BCL2L1: variants seen among roughly 807,000 people sequenced by gnomAD.
BCL2L1 encodes BCL2 like 1, also known as bcl-2-like protein 1.
In BCL2L1, 1 loss-of-function variant was observed where a neutral mutation model predicts 18.7. The ratio of observed to expected loss-of-function variants is 0.05; its 90% CI spans 0.02 to 0.25. The LOEUF (loss-of-function observed/expected upper bound fraction) is 0.25. Ranked by LOEUF, BCL2L1 falls within the 10% of genes least tolerant of loss-of-function variation. BCL2L1 has a pLI of 1.00. For missense variants in BCL2L1, 207 were observed against 304.9 expected (o/e 0.68, Z 2.39); for synonymous variants, 103 against 122.7 (o/e 0.84, Z 1.06).
intron 2 of BCL2L1, among the ~76,000 whole-genome samples, chr20:31,693,562 T>C (rs1174829615): frequency 6.6e-6 from 1 of 151,950 alleles, no homozygotes; most frequent in Non-Finnish European, 1.5e-5. Context: ...AGACAAGGTC[T>C]CCCTCTGTTG....
intron 2 of BCL2L1, among the ~76,000 whole-genome samples, chr20:31,704,688 G>T (rs2061343310): frequency 6.6e-6 from 1 of 152,126 alleles, no homozygotes; most frequent in Admixed American, 6.5e-5. Context: ...CACCTGTATT[G>T]TTTCTGCCTC....
At chr20:31,715,408 T>C (rs2061517917) in intron 2 of BCL2L1, among the ~76,000 whole-genome samples, 1 of 152,086 alleles carries the variant, frequency 6.6e-6, no homozygotes, top group African/African-American at 2.4e-5. Flanking sequence ...CCTTCTACCC[T>C]TTTCCCCTTT....
chr20:31,710,989 C>T (rs906197690), intron 2 of BCL2L1, among the ~76,000 whole-genome samples: 1 of 152,158 alleles, frequency 6.6e-6, no homozygotes, highest in East Asian at 1.9e-4. Flanking sequence ...TTGCATCAGA[C>T]ACATCTGAGT....
intron 2 of BCL2L1, among the ~76,000 whole-genome samples, chr20:31,712,598 A>T (rs1393123339): frequency 6.6e-6 from 1 of 152,160 alleles, no homozygotes; most frequent in African/African-American, 2.4e-5. Context: ...AGCTGTTTGT[A>T]GGCAAGTTTT....
chr20:31,699,823 A>G (rs1019999783), intron 2 of BCL2L1, among the ~76,000 whole-genome samples: 6 of 152,234 alleles, frequency 3.9e-5, no homozygotes, highest in Admixed American at 2.6e-4. Flanking sequence ...AGGGAATTAA[A>G]TGAGAAAATG....
intron 2 of BCL2L1, among the ~76,000 whole-genome samples, chr20:31,678,168 T>G (rs1038514058): frequency 6.6e-6 from 1 of 152,202 alleles, no homozygotes; most frequent in African/African-American, 2.4e-5. Context: ...AAACTAGGAC[T>G]TCTTTCTGAG....
At chr20:31,719,147 T>C (rs1162204918) in intron 2 of BCL2L1, among the ~76,000 whole-genome samples, 3 of 151,162 alleles carry the variant, frequency 2.0e-5, no homozygotes, top group South Asian at 2.1e-4. Flanking sequence ...GAAGGTACCA[T>C]GCGTGGCTTA....
intron 2 of BCL2L1, among the ~76,000 whole-genome samples, chr20:31,683,769 CAAAAA>C (rs372160646): frequency 1.4e-4 from 11 of 80,694 alleles, no homozygotes; most frequent in South Asian, 9.8e-4. Flanking sequence ...AACTCCATCT[CAAAAA>C]AAAAAAAAAA....
intron 2 of BCL2L1, among the ~76,000 whole-genome samples, chr20:31,721,182 T>G (rs115466009): frequency 2.0e-5 from 3 of 152,160 alleles, no homozygotes; most frequent in African/African-American, 7.2e-5. Context: ...GGAACTTGAT[T>G]TGGGGGAGAG....
rs1230279923 is a variant in BCL2L1, at chr20:31,665,157, G to A, written c.*792C>T. 1 of 177,518 alleles carries A rather than the reference G, an allele frequency of 5.6e-6. No individual in the cohort carries two copies. Among genetic ancestry groups the A allele is most frequent in the Non-Finnish European group, 1.2e-5 (1 of 82,364 alleles). The allele number at this position is 177,518 out of a possible 1,614,324, so 11.0% of individuals were successfully genotyped here. A position where few individuals can be genotyped will look rare whatever the true frequency, so the allele number is the denominator to read the frequency against. ...GCAGCTGAGGCCATAAACAGCTCTGGGGCATCTGTCTTGGGCCCAGTTGGT... is the reference window on the plus strand; with the variant it reads ...GCAGCTGAGGCCATAAACAGCTCTGAGGCATCTGTCTTGGGCCCAGTTGGT... On this transcript the variant is annotated 3_prime_UTR_variant, in exon 3 of 3. Transcript: ENST00000307677.
At chr20:31,696,383 T>C (rs2061171162) in intron 2 of BCL2L1, among the ~76,000 whole-genome samples, 1 of 152,150 alleles carries the variant, frequency 6.6e-6, no homozygotes, top group South Asian at 2.1e-4. Context: ...CCTGGGTGCA[T>C]AGCATCACCA....
At chr20:31,717,609 C>T (rs2061557775) in intron 2 of BCL2L1, among the ~76,000 whole-genome samples, 1 of 152,216 alleles carries the variant, frequency 6.6e-6, no homozygotes, top group Non-Finnish European at 1.5e-5. Context: ...AAAATTTCCA[C>T]ATTTGGGGTT....
chr20:31,683,317 TGTTACATG>T (rs2060895937), intron 2 of BCL2L1, among the ~76,000 whole-genome samples: 1 of 152,252 alleles, frequency 6.6e-6, no homozygotes, highest in Admixed American at 6.5e-5. Flanking sequence ...TTCCATAGAC[TGTTACATG>T]GTTTCCTCCC....
chr20:31,697,050 C>CAAAAAA (rs1161266730), intron 2 of BCL2L1, among the ~76,000 whole-genome samples: 1 of 76,846 alleles, frequency 1.3e-5, no homozygotes, highest in Admixed American at 1.6e-4. Flanking sequence ...GACTCTATCT[C>CAAAAAA]AAAAAAAAAA....
intron 2 of BCL2L1, among the ~76,000 whole-genome samples, chr20:31,701,537 C>T (rs1379245111): frequency 1.3e-5 from 2 of 152,172 alleles, no homozygotes; most frequent in Admixed American, 1.3e-4. Flanking sequence ...GCTACATTAT[C>T]CTTTTGGTTG....
intron 2 of BCL2L1, among the ~76,000 whole-genome samples, chr20:31,702,517 T>C (rs1349561861): frequency 6.6e-6 from 1 of 152,014 alleles, no homozygotes; most frequent in Non-Finnish European, 1.5e-5. Flanking sequence ...TTTATTTTTT[T>C]ATTTTTATTT....
upstream of BCL2L1, chr20:31,723,329 G>A (rs1181300239): frequency 1.0e-6 from 1 of 985,530 alleles, no homozygotes; most frequent in Non-Finnish European, 1.2e-6. Context: ...GGGTGAGGGT[G>A]AGGCGCTGGG....
intron 2 of BCL2L1, among the ~76,000 whole-genome samples, chr20:31,714,969 T>C (rs936863647): frequency 1.3e-5 from 2 of 152,152 alleles, no homozygotes; most frequent in African/African-American, 2.4e-5. Flanking sequence ...GGCTCCCTGT[T>C]GCCACCCTTA....
At chr20:31,715,000 C>T (rs577496032) in intron 2 of BCL2L1, among the ~76,000 whole-genome samples, 2 of 152,164 alleles carry the variant, frequency 1.3e-5, no homozygotes, top group Non-Finnish European at 2.9e-5. Flanking sequence ...CCAGGCCTGG[C>T]ACGGTGGCTC....
Sources: gnomAD v4.1 joint callset for allele counts (sites outside exome capture counted in the v4.1 genomes callset) on GRCh38, gnomAD v4.1.1 for gene constraint, MANE v1.5 for transcripts, NCBI Gene and HGNC (gene_info 2026-07-23, HGNC 2026-07-21) for gene names.